The following ZNF892 variants were observed in gnomAD, a reference collection of about 807,000 sequenced individuals.
ZNF892 encodes zinc finger protein 570-like.
chr2:95,214,770 GA>G, the ZNF892 span: 3 of 453,970 alleles, frequency 6.6e-6, no homozygotes, highest in South Asian at 8.4e-5. Flanking sequence ...TCACACAGGA[GA>G]AAAACCCTAT....
the ZNF892 span, among the ~76,000 whole-genome samples, chr2:95,239,487 T>C: frequency 6.6e-6 from 1 of 152,268 alleles, no homozygotes; most frequent in Non-Finnish European, 1.5e-5. Context: ...CAAACTTCAC[T>C]GTTGTCTTAT....
At chr2:95,211,498 T>G in the ZNF892 span, 1 of 392,582 alleles carries the variant, frequency 2.5e-6, no homozygotes. Flanking sequence ...GCCAAGGCCA[T>G]GTTGTCTGTC....
At chr2:95,246,483 A>G in the ZNF892 span, among the ~76,000 whole-genome samples, 1 of 152,218 alleles carries the variant, frequency 6.6e-6, no homozygotes. Flanking sequence ...CACCACTTCT[A>G]TTCAACATAG....
chr2:95,241,573 G>A, the ZNF892 span, among the ~76,000 whole-genome samples: 5 of 152,144 alleles, frequency 3.3e-5, no homozygotes, highest in African/African-American at 4.8e-5. Flanking sequence ...AACTCAAAAA[G>A]CCAGAGTGCT....
At chr2:95,231,862 C>T in the ZNF892 span, among the ~76,000 whole-genome samples, 1 of 152,200 alleles carries the variant, frequency 6.6e-6, no homozygotes. Context: ...AAGGTCAGCT[C>T]TCAGGAGACC....
At chr2:95,239,340 A>G in the ZNF892 span, among the ~76,000 whole-genome samples, 1 of 152,194 alleles carries the variant, frequency 6.6e-6, no homozygotes, top group Non-Finnish European at 1.5e-5. Flanking sequence ...AGAATGTTAC[A>G]TAAACTTAGT....
chr2:95,259,075 G>A, the ZNF892 span: 2 of 152,142 alleles, frequency 1.3e-5, no homozygotes, highest in Admixed American at 6.6e-5. Context: ...TCTGTTTGCA[G>A]GGAATTCTCT....
chr2:95,215,111 A>G, the ZNF892 span: 2 of 497,056 alleles, frequency 4.0e-6, no homozygotes, highest in South Asian at 5.1e-5. Flanking sequence ...CTGGAGAGAA[A>G]CCTTATAAGT....
At chr2:95,244,304 T>C in the ZNF892 span, among the ~76,000 whole-genome samples, 13 of 114,034 alleles carry the variant, frequency 1.1e-4, no homozygotes, top group Admixed American at 4.8e-4. Flanking sequence ...CCCTGCCAAA[T>C]CCCCCTCTGC....
At chr2:95,222,606 A>G in the ZNF892 span, among the ~76,000 whole-genome samples, 14 of 152,220 alleles carry the variant, frequency 9.2e-5, no homozygotes, top group African/African-American at 2.6e-4. Context: ...TCGTGTGCTT[A>G]TTGTCCATCT....
At chr2:95,262,513 T>G in the ZNF892 span, among the ~76,000 whole-genome samples, 1 of 152,284 alleles carries the variant, frequency 6.6e-6, no homozygotes, top group East Asian at 1.9e-4. Flanking sequence ...GGAAGGCTGT[T>G]TAAAGGAAGT....
chr2:95,221,914 T>C, the ZNF892 span, among the ~76,000 whole-genome samples: 1 of 152,174 alleles, frequency 6.6e-6, no homozygotes, highest in Non-Finnish European at 1.5e-5. Context: ...TAGTTCCTTC[T>C]TCTCCTCCTC....
chr2:95,239,054 G>A, the ZNF892 span, among the ~76,000 whole-genome samples: 4 of 150,792 alleles, frequency 2.7e-5, no homozygotes, highest in South Asian at 6.3e-4. Context: ...CAGGAGAATC[G>A]CTTGAACCCA....
At chr2:95,258,086 G>T in the ZNF892 span, among the ~76,000 whole-genome samples, 2 of 152,130 alleles carry the variant, frequency 1.3e-5, no homozygotes, top group Admixed American at 6.5e-5. Context: ...TGCACCCACT[G>T]TCCAACAATC....
chr2:95,210,219 G>GTATATATATGTGTATATATGTA, the ZNF892 span, among the ~76,000 whole-genome samples: 2 of 146,316 alleles, frequency 1.4e-5, no homozygotes, highest in Non-Finnish European at 3.0e-5. Flanking sequence ...GTGTATATAT[G>GTATATATATGTGTATATATGTA]TATATATATG....
At chr2:95,207,686 G>A in the ZNF892 span, 30 of 397,306 alleles carry the variant, frequency 7.6e-5, no homozygotes, top group South Asian at 3.9e-3. Flanking sequence ...GGTGGCGGGA[G>A]GACCCCCGGG....
At chr2:95,215,300 T>G in the ZNF892 span, 1 of 471,030 alleles carries the variant, frequency 2.1e-6, no homozygotes, top group Non-Finnish European at 3.8e-6. Flanking sequence ...GCAATGATTG[T>G]GCCAAAGCCT....
chr2:95,238,705 G>A, the ZNF892 span, among the ~76,000 whole-genome samples: 1 of 152,238 alleles, frequency 6.6e-6, no homozygotes, highest in South Asian at 2.1e-4. Flanking sequence ...CGTGATTCAT[G>A]AGAGGAGATC....
At chr2:95,222,244 A>G in the ZNF892 span, among the ~76,000 whole-genome samples, 2 of 152,216 alleles carry the variant, frequency 1.3e-5, no homozygotes, top group Non-Finnish European at 2.9e-5. Flanking sequence ...CCATTAACCC[A>G]CTGAAGCACA....
Sources: allele counts gnomAD v4.1 joint callset (sites outside exome capture counted in the v4.1 genomes callset), GRCh38; gene constraint gnomAD v4.1.1; transcripts MANE v1.5; gene names NCBI Gene and HGNC (gene_info 2026-07-23, HGNC 2026-07-21).